L3MBTL1: variants seen among roughly 807,000 people sequenced by gnomAD.
The protein encoded by L3MBTL1 is lethal(3)malignant brain tumor-like protein 1.
In L3MBTL1, 75 loss-of-function variants were observed where a neutral mutation model predicts 105.3. That is an observed-to-expected ratio of 0.71 (90% CI 0.59 to 0.86). The LOEUF is 0.86. L3MBTL1 is among the 40% of genes least tolerant of loss of function. L3MBTL1 has a pLI of 0.00. For synonymous variants in L3MBTL1, 452 were observed against 436.2 expected, an observed-to-expected ratio of 1.04 and a Z score of -0.45; for missense variants, 1,069 against 1,126.4, an observed-to-expected ratio of 0.95 and a Z score of 0.73.
chr20:43,525,223 C>T (rs547356762), intron 7 of L3MBTL1, among the ~76,000 whole-genome samples: 18 of 152,146 alleles, frequency 1.2e-4, no homozygotes, highest in African/African-American at 4.3e-4. Context: ...GAAAGGGCCA[C>T]AGGCTTTGGC....
At chr20:43,529,098 TTC>T (rs146663372) in intron 8 of L3MBTL1, 164 bp from the exon 9 acceptor site, 38,073 of 443,576 alleles carry the variant, frequency 0.086, no homozygotes, top group South Asian at 0.14. Context: ...CTGGGAGATA[TTC>T]TCTCTCTCTC....
chr20:43,542,611 C>CAAAAAAAAAAAAAAAAAA (rs5841503), downstream of L3MBTL1, among the ~76,000 whole-genome samples: 6 of 112,664 alleles, frequency 5.3e-5, no homozygotes, highest in Non-Finnish European at 9.1e-5. Flanking sequence ...AAAAATTTAA[C>CAAAAAAAAAAAAAAAAAA]AAAAAAAAAA....
intron 13 of L3MBTL1, among the ~76,000 whole-genome samples, chr20:43,533,767 C>T (rs2019462559): frequency 6.6e-6 from 1 of 152,108 alleles, no homozygotes; most frequent in Admixed American, 6.5e-5. Context: ...AGCAACAGGC[C>T]AAGAGTGACA....
At position 43,541,278 on chromosome 20, in the gene L3MBTL1, A is replaced by G; in HGVS notation, c.*150A>G. ...GAGTTGTAGATAAAAAAAGAATGTC[A>G]GCTTTGGAGACAGTCTGGGTTTAAA... On this transcript the variant is annotated 3_prime_UTR_variant, in exon 22 of 22. Transcript: ENST00000418998. 5.0e-6 allele frequency: 7 copies of G among 1,392,704 alleles called. No homozygotes were observed. Among genetic ancestry groups the G allele is most frequent in the Non-Finnish European group, 6.6e-6 (7 of 1,057,830 alleles). 86.3% of individuals were successfully genotyped at this position (1,392,704 alleles called of 1,614,324 possible). A position where few individuals can be genotyped will look rare whatever the true frequency, so the allele number is the denominator to read the frequency against.
At chr20:43,540,337 TC>T (rs1189086700) in intron 20 of L3MBTL1, 29 bp downstream of exon 20, 2 of 1,606,922 alleles carry the variant, frequency 1.2e-6, no homozygotes, top group Non-Finnish European at 1.7e-6. Context: ...TCTTTATCCT[TC>T]TCTTCCTCTC....
chr20:43,512,039 T>A (rs1219375046), intron 1 of L3MBTL1, among the ~76,000 whole-genome samples: 6 of 151,950 alleles, frequency 3.9e-5, no homozygotes, highest in Non-Finnish European at 7.4e-5. Flanking sequence ...GAGGTCAGAT[T>A]TTCTAGGGCA....
At chr20:43,524,652 C>T (rs1413394619) in intron 7 of L3MBTL1, among the ~76,000 whole-genome samples, 2 of 151,348 alleles carry the variant, frequency 1.3e-5, no homozygotes, top group Admixed American at 6.6e-5. Flanking sequence ...ATTTAACAAG[C>T]ATTTGTTGTG....
chr20:43,529,604 C>T (rs1386836235), intron 9 of L3MBTL1, among the ~76,000 whole-genome samples: 3 of 152,126 alleles, frequency 2.0e-5, no homozygotes, highest in African/African-American at 4.8e-5. Flanking sequence ...GAGGAGATCC[C>T]GAGGGCCAGG....
At chr20:43,523,992 CAAAAAAAAA>C (rs577732076) in intron 7 of L3MBTL1, among the ~76,000 whole-genome samples, 6 of 83,096 alleles carry the variant, frequency 7.2e-5, no homozygotes, top group African/African-American at 2.5e-4. Flanking sequence ...GACTCCATCT[CAAAAAAAAA>C]AAAAAAAAAG....
intron 20 of L3MBTL1, 31 bp from the exon 21 acceptor site, chr20:43,540,722 C>G: frequency 6.8e-6 from 11 of 1,611,868 alleles, no homozygotes; most frequent in Non-Finnish European, 9.3e-6. Context: ...AGCTCTGTCC[C>G]CTGGTCAACA....
intron 10 of L3MBTL1, 189 bp downstream of exon 10, chr20:43,530,608 G>A (rs373001788): frequency 1.4e-5 from 11 of 775,002 alleles, no homozygotes; most frequent in African/African-American, 7.0e-5. Flanking sequence ...TAGAACTTCC[G>A]CTTTGCACTT....
intron 14 of L3MBTL1, 90 bp downstream of exon 14, chr20:43,534,183 G>C: frequency 1.3e-6 from 2 of 1,524,240 alleles, no homozygotes; most frequent in Non-Finnish European, 1.8e-6. Flanking sequence ...TTCCCCTTTG[G>C]GCAGGCCCCA....
At chr20:43,535,985 C>G (rs764556307) in intron 17 of L3MBTL1, 49 bp downstream of exon 17, 2 of 1,589,584 alleles carry the variant, frequency 1.3e-6, no homozygotes, top group Non-Finnish European at 1.7e-6. Context: ...TTTGCACTTA[C>G]TGCATGCAGG....
At position 43,534,354 on chromosome 20, in the gene L3MBTL1, G is replaced by A. The variant is rs563728202; in HGVS notation, c.1670G>A (p.Arg557His). ...AVDRRNPALI[R>H]VASVEDVEDH... ...GACCGCAGGAACCCAGCCCTGATTC[G>A]CGTGGCCAGCGTGGAGGATGTGGAG... Residue 557 changes from arginine to histidine, a missense_variant, in exon 15 of 22, where the codon CGC becomes CAC. Coordinates refer to ENST00000418998, the MANE Select transcript of L3MBTL1 (RefSeq NM_001377303.1). 9.3e-6 allele frequency: 15 copies of A among 1,614,132 alleles called. No individual in the cohort carries two copies. The highest frequency in any genetic ancestry group is 4.4e-5 in the South Asian group (4 of 91,072).
At chr20:43,526,506 G>A (rs1459039526) in intron 7 of L3MBTL1, among the ~76,000 whole-genome samples, 3 of 152,186 alleles carry the variant, frequency 2.0e-5, no homozygotes, top group Admixed American at 6.5e-5. Flanking sequence ...AGGATAGCCG[G>A]AAGAGATGAG....
chr20:43,509,860 T>C (rs1484858897), intron 1 of L3MBTL1, among the ~76,000 whole-genome samples: 3 of 152,132 alleles, frequency 2.0e-5, no homozygotes, highest in African/African-American at 7.2e-5. Flanking sequence ...AAAGATTAAC[T>C]CTATTTATTT....
downstream of L3MBTL1, among the ~76,000 whole-genome samples, chr20:43,545,462 A>C (rs752458525): frequency 1.3e-5 from 2 of 152,010 alleles, no homozygotes; most frequent in Non-Finnish European, 2.9e-5. Flanking sequence ...GGGGGTCAGC[A>C]AAGAGAGCTC....
chr20:43,538,199 G>T (rs2019727071), intron 19 of L3MBTL1, among the ~76,000 whole-genome samples: 1 of 152,212 alleles, frequency 6.6e-6, no homozygotes, highest in Non-Finnish European at 1.5e-5. Flanking sequence ...TCAAACTGCA[G>T]TGGGCACCTC....
intron 1 of L3MBTL1, among the ~76,000 whole-genome samples, chr20:43,509,720 G>A (rs1014688417): frequency 1.3e-5 from 2 of 152,202 alleles, no homozygotes; most frequent in Admixed American, 1.3e-4. Flanking sequence ...AAGAGGCAGC[G>A]AACCCAAACA....
Sources: allele counts gnomAD v4.1 joint callset (sites outside exome capture counted in the v4.1 genomes callset), GRCh38; gene constraint gnomAD v4.1.1; transcripts MANE v1.5; gene names NCBI Gene and HGNC (gene_info 2026-07-23, HGNC 2026-07-21).